The following SCFD2 variants were observed in gnomAD, a reference collection of about 807,000 sequenced individuals.
SCFD2 encodes the protein sec1 family domain containing 2.
SCFD2 carries 54 observed loss-of-function variants against 58.9 expected under a neutral mutation model. The observed-to-expected ratio is 0.92, with a 90% CI of 0.74 to 1.15. The LOEUF is 1.15. Among genes scored for constraint, SCFD2 ranks in the 50% most tolerant of loss-of-function variants. The probability of loss-of-function intolerance (pLI) is 0.00; values close to 1 mark genes in which losing one functional copy is unlikely to be tolerated. For synonymous variants in SCFD2, 321 were observed against 335.9 expected, an observed-to-expected ratio of 0.96 and a Z score of 0.49; for missense variants, 805 against 836.6, an observed-to-expected ratio of 0.96 and a Z score of 0.47.
At chr4:53,225,129 ATTC>A (rs1375226482) in intron 4 of SCFD2, among the ~76,000 whole-genome samples, 2 of 152,182 alleles carry the variant, frequency 1.3e-5, no homozygotes, top group African/African-American at 4.8e-5. Flanking sequence ...ATTTGATTAT[ATTC>A]TTAATTATCT....
Position 52,964,677 on chromosome 4 carries a change from C to T in SCFD2, c.1562-43807G>A, listed in dbSNP as rs144716479. 1.8e-4 allele frequency among the ~76,000 whole-genome samples: 27 copies of T among 148,862 alleles called. No individual in the cohort carries two copies. The East Asian group carries it at 2.7e-3, about 15-fold the overall frequency. On this transcript the variant is annotated intron_variant, in intron 5 of 8. Coordinates refer to ENST00000401642, the MANE Select transcript of SCFD2 (RefSeq NM_152540.4). ...GATTGCCAAAGTAATATTGACCTTG[C>T]GAAATGTGAGGGACACACACACACA...
rs192146083 is a variant in SCFD2, at chr4:53,001,841, A to T, written c.1562-80971T>A. On this transcript the variant is annotated intron_variant, in intron 5 of 8. Transcript: ENST00000401642. ...AATCCTCAGAGTAAATTTATAAGAG[A>T]TGCATTATTATGCCATTTTACAGAT... Among the ~76,000 whole-genome samples, 431 of 152,342 alleles carry T rather than the reference A, an allele frequency of 2.8e-3. 1 individual carries two copies. Among genetic ancestry groups the T allele is most frequent in the African/African-American group, 9.9e-3 (411 of 41,582 alleles).
intron 3 of SCFD2, among the ~76,000 whole-genome samples, chr4:53,301,519 G>T (rs1732294229): frequency 6.6e-6 from 1 of 151,904 alleles, no homozygotes; most frequent in Non-Finnish European, 1.5e-5. Flanking sequence ...TTCTACCAGA[G>T]GTACAAGGAG....
chr4:53,124,027 C>T (rs1275189059), intron 5 of SCFD2, among the ~76,000 whole-genome samples: 1 of 152,166 alleles, frequency 6.6e-6, no homozygotes, highest in Non-Finnish European at 1.5e-5. Context: ...GCTTTGTGTA[C>T]TCTAGTGATG....
At chr4:52,958,542 A>G (rs1172498955) in intron 5 of SCFD2, among the ~76,000 whole-genome samples, 2 of 152,018 alleles carry the variant, frequency 1.3e-5, no homozygotes, top group Non-Finnish European at 2.9e-5. Context: ...CCCACCCTCA[A>G]CAAGTGACGT....
chr4:52,969,504 A>G lies in SCFD2; in HGVS notation c.1562-48634T>C, dbSNP rs375919971. ...TCTCTTGTTCTTCCAGGCACACAGT[A>G]GATGAACAGTTCAGTCCCTGGAAGT... is the stretch of plus-strand genomic sequence containing the variant. On this transcript the variant is annotated intron_variant, in intron 5 of 8. Coordinates refer to ENST00000401642, the MANE Select transcript of SCFD2 (RefSeq NM_152540.4). Among the ~76,000 whole-genome samples, 306 of 152,342 alleles carry G rather than the reference A, an allele frequency of 2.0e-3. 3 individuals are homozygous for G. In the South Asian group the frequency reaches 0.047, roughly 23 times the overall value.
chr4:53,350,294 G>A (rs1335543790), intron 2 of SCFD2, among the ~76,000 whole-genome samples: 1 of 152,108 alleles, frequency 6.6e-6, no homozygotes, highest in Non-Finnish European at 1.5e-5. Context: ...GGGCACAATG[G>A]CCAAGAAAAG....
chr4:52,874,044 T>C lies in SCFD2; in HGVS notation c.1980A>G (p.Thr660=), dbSNP rs775329000. The part of the protein sequence containing the change: ...KPGTQVIVLS[T]RLLKPLNIPE... The stretch of plus-strand genomic sequence containing the variant: ...GAATGTTAAGTGGCTTCAGGAGTCG[T>C]GTGGACAGCACGATTACCTAACAAC... Residue 660 remains threonine, a synonymous_variant, in exon 9 of 9, where the codon ACA becomes ACG. Coordinates refer to ENST00000401642, the MANE Select transcript of SCFD2 (RefSeq NM_152540.4). 1 of 1,613,828 alleles carries C rather than the reference T, an allele frequency of 6.2e-7. No individual in the cohort carries two copies. The highest frequency in any genetic ancestry group is 1.7e-5 in the Admixed American group (1 of 60,036).
intron 4 of SCFD2, among the ~76,000 whole-genome samples, chr4:53,212,217 C>T (rs1248287801): frequency 1.3e-5 from 2 of 152,022 alleles, no homozygotes; most frequent in South Asian, 2.1e-4. Flanking sequence ...CAAAATCAAA[C>T]GCTCCTTTCC....
At chr4:53,341,959 A>G (rs2149147854) in intron 2 of SCFD2, among the ~76,000 whole-genome samples, 1 of 152,348 alleles carries the variant, frequency 6.6e-6, no homozygotes, top group Non-Finnish European at 1.5e-5. Flanking sequence ...TGAAAGAAGC[A>G]CTAAACATGG....
intron 4 of SCFD2, among the ~76,000 whole-genome samples, chr4:53,153,965 C>A (rs1008887014): frequency 3.3e-5 from 5 of 152,114 alleles, no homozygotes; most frequent in Non-Finnish European, 5.9e-5. Flanking sequence ...TCAGCCTGGG[C>A]CATCACTGTC....
At chr4:53,306,323 G>GT (rs1376634578) in intron 3 of SCFD2, among the ~76,000 whole-genome samples, 2 of 152,074 alleles carry the variant, frequency 1.3e-5, no homozygotes, top group Non-Finnish European at 2.9e-5. Context: ...GAAACTAGAA[G>GT]TAACAGAAGG....
intron 5 of SCFD2, among the ~76,000 whole-genome samples, chr4:53,005,219 T>TC (rs1178432986): frequency 1.3e-5 from 2 of 152,104 alleles, no homozygotes; most frequent in East Asian, 3.9e-4. Context: ...ACTCTTAACT[T>TC]TGGTCATGAC....
rs1407247872 is a variant in SCFD2 at position 53,298,301 on chromosome 4, C to T, written c.1135+15335G>A. Among the ~76,000 whole-genome samples the T allele has an allele frequency of 4.6e-5, 7 of 152,202 alleles. No homozygotes were observed. The East Asian group carries it at 7.7e-4, about 17-fold the overall frequency. ...AAACAGCACACCAGGAGATTATATC[C>T]GGCACCTGGCTCAGAGGGTCCTATA... On this transcript the variant is annotated intron_variant, in intron 3 of 8. Coordinates refer to ENST00000401642, the MANE Select transcript of SCFD2 (RefSeq NM_152540.4).
intron 5 of SCFD2, among the ~76,000 whole-genome samples, chr4:53,095,838 T>TAGGTATATAC (rs1724609010): frequency 7.8e-6 from 1 of 128,536 alleles, no homozygotes; most frequent in Non-Finnish European, 1.8e-5. Context: ...GTCATTTACA[T>TAGGTATATAC]TAGGTATATA....
At chr4:53,154,980 G>C (rs1726622802) in intron 4 of SCFD2, among the ~76,000 whole-genome samples, 2 of 152,232 alleles carry the variant, frequency 1.3e-5, no homozygotes, top group African/African-American at 2.4e-5. Flanking sequence ...AGAGCCTCCA[G>C]AAAGAGAGAC....
At chr4:52,909,119 A>G (rs1279869251) in intron 6 of SCFD2, among the ~76,000 whole-genome samples, 2 of 152,190 alleles carry the variant, frequency 1.3e-5, no homozygotes, top group African/African-American at 4.8e-5. Context: ...TGGGAGGGTT[A>G]ATTGTTACCA....
chr4:53,251,792 A>C (rs1349524442), intron 4 of SCFD2, among the ~76,000 whole-genome samples: 31 of 151,954 alleles, frequency 2.0e-4, no homozygotes, highest in African/African-American at 6.5e-4. Context: ...GAATGGGCAA[A>C]AACTAGAAGC....
At chr4:52,999,502 G>A (rs1721817614) in intron 5 of SCFD2, among the ~76,000 whole-genome samples, 1 of 152,080 alleles carries the variant, frequency 6.6e-6, no homozygotes, top group Non-Finnish European at 1.5e-5. Context: ...CTTTGTTTTG[G>A]TTTTTGCCTT....
Sources: gnomAD v4.1 joint callset for allele counts (sites outside exome capture counted in the v4.1 genomes callset) on GRCh38, gnomAD v4.1.1 for gene constraint, MANE v1.5 for transcripts, NCBI Gene and HGNC (gene_info 2026-07-23, HGNC 2026-07-21) for gene names.